Variants in CSGALNACT1 observed in about 807,000 individuals in gnomAD.
CSGALNACT1 encodes the protein beta4GalNAcT-1.
A neutral mutation model predicts 51.0 loss-of-function variants in CSGALNACT1; 52 were observed. That is an observed-to-expected ratio of 1.02 (90% CI 0.82 to 1.29). The LOEUF (loss-of-function observed/expected upper bound fraction) is 1.29. Among genes scored for constraint, CSGALNACT1 ranks in the 50% most tolerant of loss-of-function variants. CSGALNACT1 has a pLI of 0.00. For missense variants in CSGALNACT1, 935 were observed against 679.2 expected, an observed-to-expected ratio of 1.38 and a Z score of -4.19; for synonymous variants, 341 against 254.4, an observed-to-expected ratio of 1.34 and a Z score of -3.24.
intron 3 of CSGALNACT1, among the ~76,000 whole-genome samples, chr8:19,544,437 T>C (rs2085999863): frequency 6.6e-6 from 1 of 152,252 alleles, no homozygotes; most frequent in Non-Finnish European, 1.5e-5. Context: ...TTTAAGAGTA[T>C]GACATTTTTA....
intron 1 of CSGALNACT1, among the ~76,000 whole-genome samples, chr8:19,672,489 G>GT (rs2154198725): frequency 6.6e-6 from 1 of 152,276 alleles, no homozygotes; most frequent in South Asian, 2.1e-4. Flanking sequence ...AGACTGCAAA[G>GT]TATTTCCCTG....
intron 1 of CSGALNACT1, among the ~76,000 whole-genome samples, chr8:19,619,277 C>T (rs1029460811): frequency 6.6e-6 from 1 of 150,988 alleles, no homozygotes; most frequent in Non-Finnish European, 1.5e-5. Context: ...AAAAAAAGCA[C>T]AGACATGAGA....
chr8:19,748,865 T>C (rs1321418996), intron 1 of CSGALNACT1, among the ~76,000 whole-genome samples: 1 of 151,642 alleles, frequency 6.6e-6, no homozygotes, highest in Non-Finnish European at 1.5e-5. Flanking sequence ...CTTGGGAGAC[T>C]GAGGCAGGAG....
Position 19,417,286 on chromosome 8 carries a change from A to G in CSGALNACT1, c.1227+1370T>C, listed in dbSNP as rs1563291576. Among the ~76,000 whole-genome samples the G allele has an allele frequency of 2.6e-5, 4 of 152,216 alleles. No individual in the cohort carries two copies. The South Asian group carries it at 6.2e-4, about 24-fold the overall frequency. On this transcript the variant is annotated intron_variant, in intron 8 of 9. Coordinates refer to ENST00000454498, the Ensembl canonical transcript of CSGALNACT1. ...TTCCACTAGGGGAAAAGAGAACTGTATTATTAGTAAACCTGGTGCACCCCA... is the reference window on the plus strand; with the variant it reads ...TTCCACTAGGGGAAAAGAGAACTGTGTTATTAGTAAACCTGGTGCACCCCA...
intron 3 of CSGALNACT1, among the ~76,000 whole-genome samples, chr8:19,533,666 GGAATGGC>G (rs1402923487): frequency 1.3e-5 from 2 of 151,878 alleles, no homozygotes; most frequent in Non-Finnish European, 2.9e-5. Context: ...TTGAGAGCAA[GGAATGGC>G]TCTTCCTCTT....
At chr8:19,735,689 C>A (rs947306351) in intron 1 of CSGALNACT1, among the ~76,000 whole-genome samples, 1 of 152,118 alleles carries the variant, frequency 6.6e-6, no homozygotes, top group African/African-American at 2.4e-5. Flanking sequence ...GACAGAAGAT[C>A]TGACCCTTAT....
In CSGALNACT1 at chr8:19,463,825, T is replaced by C. The variant is rs552241415; in HGVS notation, c.635-5183A>G. ...AAGTATCCCAATGCCGGTCTTTTCC[T>C]ACTCAATGGGCCAGGATCTAAGACC... On this transcript the variant is annotated intron_variant, in intron 4 of 9. Coordinates refer to ENST00000454498, the Ensembl canonical transcript of CSGALNACT1. Among the ~76,000 whole-genome samples, 4 of 152,322 alleles carry C rather than the reference T, an allele frequency of 2.6e-5. No homozygotes were observed. In the South Asian group the frequency reaches 8.3e-4, roughly 32 times the overall value.
intron 1 of CSGALNACT1, among the ~76,000 whole-genome samples, chr8:19,651,479 A>G (rs964012341): frequency 7.9e-5 from 12 of 152,136 alleles, no homozygotes; most frequent in African/African-American, 2.7e-4. Context: ...TGTGTACTCA[A>G]CGTTTAGCTC....
At chr8:19,562,356 A>C (rs2040936237) in intron 3 of CSGALNACT1, among the ~76,000 whole-genome samples, 1 of 152,068 alleles carries the variant, frequency 6.6e-6, no homozygotes, top group Non-Finnish European at 1.5e-5. Context: ...ACAAAAAAAT[A>C]CTATTTTTGC....
chr8:19,726,887 T>C (rs1229527161), intron 1 of CSGALNACT1, among the ~76,000 whole-genome samples: 2 of 152,212 alleles, frequency 1.3e-5, no homozygotes, highest in South Asian at 4.1e-4. Context: ...GACTGAAAGC[T>C]GAGGAGCCAC....
intron 1 of CSGALNACT1, among the ~76,000 whole-genome samples, chr8:19,614,350 G>C (rs951272293): frequency 6.6e-6 from 1 of 152,144 alleles, no homozygotes; most frequent in African/African-American, 2.4e-5. Context: ...TCTACTTTTT[G>C]TGGATTCGCC....
At chr8:19,729,983 A>G (rs73202524) in intron 1 of CSGALNACT1, among the ~76,000 whole-genome samples, 7,127 of 152,200 alleles carry the variant, frequency 0.047, 253 homozygotes, top group Admixed American at 0.076. Context: ...TAGGGTGCTG[A>G]TGTCACCTGC....
chr8:19,752,832 T>C (rs1210294434), intron 1 of CSGALNACT1, among the ~76,000 whole-genome samples: 1 of 152,208 alleles, frequency 6.6e-6, no homozygotes, highest in African/African-American at 2.4e-5. Flanking sequence ...CAATAAAAAT[T>C]ATCTGTGCAG....
At chr8:19,513,350 G>T (rs1447767447) in intron 3 of CSGALNACT1, among the ~76,000 whole-genome samples, 5 of 150,590 alleles carry the variant, frequency 3.3e-5, no homozygotes, top group African/African-American at 1.2e-4. Context: ...TATAATGATT[G>T]AAAGACCCTA....
chr8:19,599,476 G>A (rs867182076), intron 2 of CSGALNACT1, among the ~76,000 whole-genome samples: 10 of 61,148 alleles, frequency 1.6e-4, no homozygotes, highest in African/African-American at 5.1e-4. Context: ...GAAAGAAAAA[G>A]AAAGAAAGAA....
At chr8:19,536,905 G>A (rs773787541) in intron 3 of CSGALNACT1, among the ~76,000 whole-genome samples, 7 of 152,050 alleles carry the variant, frequency 4.6e-5, no homozygotes, top group Admixed American at 2.0e-4. Flanking sequence ...GTAATTCAAC[G>A]GGGGTAAACA....
At chr8:19,430,073 T>A (rs2059416877) in intron 6 of CSGALNACT1, among the ~76,000 whole-genome samples, 1 of 152,264 alleles carries the variant, frequency 6.6e-6, no homozygotes, top group Non-Finnish European at 1.5e-5. Context: ...GGGTTGTCTT[T>A]TTACTGTTAA....
intron 3 of CSGALNACT1, among the ~76,000 whole-genome samples, chr8:19,554,593 A>G (rs1323237599): frequency 3.6e-5 from 2 of 54,958 alleles, no homozygotes; most frequent in Non-Finnish European, 6.7e-5. Flanking sequence ...GTAAGCATAA[A>G]ATTTTCAGAT....
chr8:19,687,152 G>A (rs757475062), upstream of CSGALNACT1, among the ~76,000 whole-genome samples: 4 of 152,120 alleles, frequency 2.6e-5, no homozygotes, highest in African/African-American at 4.8e-5. Context: ...TATTTGTGAC[G>A]TTTGTTTTAC....
Sources: allele counts gnomAD v4.1 joint callset (sites outside exome capture counted in the v4.1 genomes callset), GRCh38; gene constraint gnomAD v4.1.1; transcripts MANE v1.5; gene names NCBI Gene and HGNC (gene_info 2026-07-23, HGNC 2026-07-21).